TNKS: variants seen among roughly 807,000 people sequenced by gnomAD.
The protein encoded by TNKS is tankyrase.
A neutral mutation model predicts 135.8 loss-of-function variants in TNKS; 72 were observed. That is an observed-to-expected ratio of 0.53 (90% confidence interval 0.44 to 0.64). The LOEUF (loss-of-function observed/expected upper bound fraction) is 0.64, where lower values mean the gene tolerates loss of function less well. Ranked by LOEUF, TNKS falls within the 30% of genes least tolerant of loss-of-function variation. TNKS has a pLI of 0.00. For synonymous variants in TNKS, 849 were observed against 649.3 expected (o/e 1.31, Z -4.68); for missense variants, 1,769 against 1,674.0 (o/e 1.06, Z -0.99).
Position 9,761,614 on chromosome 8 carries a change from A to C in TNKS, c.3252A>C (p.Glu1084Asp). The C allele has an allele frequency of 1.3e-6, 2 of 1,597,298 alleles. No individual in the cohort carries two copies. Among genetic ancestry groups the C allele is most frequent in the Non-Finnish European group, 8.5e-7 (1 of 1,176,302 alleles). ...GHRHKLIKGV[E>D]RLLGGQQGTN... Reference sequence around the variant, plus strand: ...GCCACAAATTAATCAAAGGAGTAGAAAGACTCTTAGGTGGACAACAAGGTA... The same window carrying C: ...GCCACAAATTAATCAAAGGAGTAGACAGACTCTTAGGTGGACAACAAGGTA... Residue 1084 changes from glutamate (E) to aspartate (D), a missense_variant, in exon 21 of 27, where the codon GAA becomes GAC. Glu to Asp is a conservative substitution (Grantham distance 45, BLOSUM62 2). Around this residue, in one of 5 missense-constraint regions of TNKS, gnomAD observed 722 missense variants for 688.9 expected, o/e 1.05. Coordinates refer to ENST00000310430, the MANE Select transcript of TNKS (RefSeq NM_003747.3).
At chr8:9,729,804 T>C (rs1405248021) in intron 13 of TNKS, among the ~76,000 whole-genome samples, 4 of 134,754 alleles carry the variant, frequency 3.0e-5, no homozygotes, top group African/African-American at 1.1e-4. Context: ...AGATGGGGTC[T>C]CACTCTGTCA....
rs979053530 is a variant in TNKS at position 9,731,109 on chromosome 8, T to C, written c.2147+74T>C. 14 of 1,407,988 alleles carry C rather than the reference T, an allele frequency of 9.9e-6. No individual in the cohort carries two copies. The African/African-American group carries it at 1.9e-4, about 19-fold the overall frequency. The allele number at this position is 1,407,988 out of a possible 1,614,324, so 87.2% of individuals were successfully genotyped here. ...AAAATTTAAAATATTTTTGAAGTCTTAGATTTTTTCTGTATTAAAAAAGTA... is the reference window on the plus strand; with the variant it reads ...AAAATTTAAAATATTTTTGAAGTCTCAGATTTTTTCTGTATTAAAAAAGTA... On this transcript the variant is annotated intron_variant, in intron 14 of 26. Coordinates refer to ENST00000310430, the MANE Select transcript of TNKS (RefSeq NM_003747.3).
At chr8:9,613,017 G>C (rs1799518486) in intron 2 of TNKS, among the ~76,000 whole-genome samples, 1 of 152,152 alleles carries the variant, frequency 6.6e-6, no homozygotes, top group Non-Finnish European at 1.5e-5. Context: ...GGGCTGAGAA[G>C]GAGGGTGAGG....
chr8:9,713,726 A>T (rs766103147), intron 11 of TNKS, among the ~76,000 whole-genome samples: 11 of 152,116 alleles, frequency 7.2e-5, no homozygotes, highest in Middle Eastern at 3.4e-3. Flanking sequence ...TGCCGTAGCA[A>T]CTCCTATTTA....
intron 1 of TNKS, among the ~76,000 whole-genome samples, chr8:9,572,479 C>A (rs1355505497): frequency 6.6e-6 from 1 of 152,160 alleles, no homozygotes; most frequent in Admixed American, 6.5e-5. Context: ...CCTCTCTTCC[C>A]ATCCTCTATC....
At chr8:9,556,706 G>C (rs1044101690) in intron 1 of TNKS, 94 bp downstream of exon 1, 15 of 1,447,700 alleles carry the variant, frequency 1.0e-5, no homozygotes, top group Non-Finnish European at 1.4e-5. Context: ...GGGACAAAGT[G>C]GGGGCGTGGT....
intron 3 of TNKS, among the ~76,000 whole-genome samples, chr8:9,628,196 TC>T (rs1800138273): frequency 6.6e-6 from 1 of 152,138 alleles, no homozygotes; most frequent in Non-Finnish European, 1.5e-5. Flanking sequence ...TTGTGTCAAT[TC>T]TTACACCACT....
intron 2 of TNKS, among the ~76,000 whole-genome samples, chr8:9,595,211 C>T (rs1456430557): frequency 6.7e-6 from 1 of 149,994 alleles, no homozygotes; most frequent in Non-Finnish European, 1.5e-5. Context: ...ACCTCTGCCT[C>T]CCAGGTTCAA....
intron 3 of TNKS, among the ~76,000 whole-genome samples, chr8:9,630,210 C>G (rs1480043684): frequency 6.6e-6 from 1 of 152,022 alleles, no homozygotes; most frequent in Non-Finnish European, 1.5e-5. Context: ...ATTTTTTTCT[C>G]CTTTGTTCAT....
At chr8:9,562,660 C>T (rs1321583612) in intron 1 of TNKS, among the ~76,000 whole-genome samples, 3 of 152,126 alleles carry the variant, frequency 2.0e-5, no homozygotes, top group Non-Finnish European at 4.4e-5. Flanking sequence ...ATTGATACTT[C>T]CAATTCAAAC....
At chr8:9,730,798 C>G in intron 13 of TNKS, 92 bp from the exon 14 acceptor site, 1 of 1,369,644 alleles carries the variant, frequency 7.3e-7, no homozygotes, top group Non-Finnish European at 1.0e-6. Flanking sequence ...TTATAATTTA[C>G]TTATCCAAGA....
chr8:9,591,789 C>T (rs1798600101), intron 2 of TNKS, among the ~76,000 whole-genome samples: 1 of 152,062 alleles, frequency 6.6e-6, no homozygotes, highest in East Asian at 1.9e-4. Flanking sequence ...GTTAAAATAG[C>T]AAAGTATTTG....
chr8:9,721,978 A>G (rs1804907736), intron 12 of TNKS, among the ~76,000 whole-genome samples: 1 of 151,752 alleles, frequency 6.6e-6, no homozygotes, highest in African/African-American at 2.4e-5. Flanking sequence ...ACTGGAACCT[A>G]GGAGACGGAG....
chr8:9,734,324 A>G (rs1805584589), intron 15 of TNKS, among the ~76,000 whole-genome samples: 1 of 152,190 alleles, frequency 6.6e-6, no homozygotes, highest in Non-Finnish European at 1.5e-5. Context: ...TGGTAATTAA[A>G]CTTTTAAAAT....
rs573049466 is a variant in TNKS at position 9,624,210 on chromosome 8, C to T, written c.994+8533C>T. Among the ~76,000 whole-genome samples, 9 of 152,142 alleles carry T rather than the reference C, an allele frequency of 5.9e-5. No individual in the cohort carries two copies. In the South Asian group the frequency reaches 1.7e-3, roughly 28 times the overall value. On this transcript the variant is annotated intron_variant, in intron 3 of 26. Transcript: ENST00000310430. ...ATACTCTGAGAGCAGCTGTCATTTT[C>T]CCTAGTAAATTATAGCAACTCTGTA...
At chr8:9,710,609 A>T (rs1317654251) in intron 11 of TNKS, among the ~76,000 whole-genome samples, 2 of 152,188 alleles carry the variant, frequency 1.3e-5, no homozygotes, top group Non-Finnish European at 2.9e-5. Flanking sequence ...TCTAAAAAAC[A>T]TTTGTGGCCA....
chr8:9,560,920 A>G (rs1797303177), intron 1 of TNKS, among the ~76,000 whole-genome samples: 1 of 152,138 alleles, frequency 6.6e-6, no homozygotes, highest in African/African-American at 2.4e-5. Context: ...TCTTTCTTTT[A>G]CCTCAATGAT....
chr8:9,583,624 G>T (rs915595426), intron 2 of TNKS, among the ~76,000 whole-genome samples: 10 of 151,988 alleles, frequency 6.6e-5, no homozygotes, highest in Middle Eastern at 3.4e-3. Context: ...AAGTAGCTGG[G>T]ACTGCAGGCG....
intron 24 of TNKS, 27 bp from the exon 25 acceptor site, chr8:9,766,212 C>T (rs778446917): frequency 4.2e-5 from 67 of 1,579,054 alleles, no homozygotes; most frequent in Admixed American, 2.5e-4. Flanking sequence ...TGTTCAAAAA[C>T]GAATCTTTCT....
Sources: allele counts gnomAD v4.1 joint callset (sites outside exome capture counted in the v4.1 genomes callset), GRCh38; gene constraint gnomAD v4.1.1; regional missense constraint gnomAD v4.1.1; transcripts MANE v1.5; gene names NCBI Gene and HGNC (gene_info 2026-07-23, HGNC 2026-07-21).